HCN3: variants seen among roughly 807,000 people sequenced by gnomAD.
The protein encoded by HCN3 is hyperpolarization activated cyclic nucleotide gated potassium channel 3, also known as potassium/sodium hyperpolarization-activated cyclic nucleotide-gated channel 3.
A neutral mutation model predicts 56.8 loss-of-function variants in HCN3; 36 were observed. That is an observed-to-expected ratio of 0.63 (90% confidence interval 0.49 to 0.84). The LOEUF is 0.84. HCN3 is among the 40% of genes least tolerant of loss of function. The pLI, the probability that HCN3 is intolerant of heterozygous loss-of-function variation, is 0.00. For missense variants in HCN3, 930 were observed against 1,079.3 expected, an observed-to-expected ratio of 0.86 and a Z score of 1.94; for synonymous variants, 425 against 439.7, an observed-to-expected ratio of 0.97 and a Z score of 0.42.
intron 1 of HCN3, among the ~76,000 whole-genome samples, chr1:155,280,733 C>CGGCCCTTCTGGG (rs1674004748): frequency 7.0e-6 from 1 of 143,408 alleles, no homozygotes; most frequent in Non-Finnish European, 1.5e-5. Context: ...CCACCACGCC[C>CGGCCCTTCTGGG]AGCTATTTTT....
At position 155,287,904 on chromosome 1, in the gene HCN3, C is replaced by A. The variant is rs1444524437; in HGVS notation, c.1766C>A (p.Ala589Asp). The A allele has an allele frequency of 6.2e-7, 1 of 1,613,914 alleles. No individual in the cohort carries two copies. Among genetic ancestry groups the A allele is most frequent in the South Asian group, 1.1e-5 (1 of 91,070 alleles). ...ATGGCTCGGGGTGTTCGGGGTCGGGCCCCGAGCACAGGAGCTCAGCTTAGT... is the reference window on the plus strand; with the variant it reads ...ATGGCTCGGGGTGTTCGGGGTCGGGACCCGAGCACAGGAGCTCAGCTTAGT... ...RDMARGVRGR[A>D]PSTGAQLSGK... The change falls in exon 8 of 8, where the codon GCC (alanine) becomes GAC (aspartate). Residue 589 changes from alanine (A) to aspartate (D), a missense_variant. Ala to Asp is a moderately radical substitution (Grantham distance 126). Transcript: ENST00000368358.
chr1:155,286,994 T>C (rs1394946069), intron 6 of HCN3, among the ~76,000 whole-genome samples, 179 bp from the exon 7 acceptor site: 1 of 152,116 alleles, frequency 6.6e-6, no homozygotes, highest in Non-Finnish European at 1.5e-5. Context: ...TGTGGGGGTC[T>C]GGAGAAAGAC....
chr1:155,281,126 A>C (rs1320570691), intron 1 of HCN3, among the ~76,000 whole-genome samples: 1 of 145,974 alleles, frequency 6.9e-6, no homozygotes, highest in African/African-American at 2.6e-5. Context: ...GCTGGAGTAC[A>C]GTGGCGTGAT....
rs549467329 is a variant in HCN3 at position 155,278,511 on chromosome 1, T to TG, written c.278+647dup. ...CCAGAGAAGGAACAGAGGGTGGGGG[T>TG]GGGGCCATTTCACAGTCTCCGTCAG... is the stretch of plus-strand genomic sequence containing the variant. On this transcript the variant is annotated intron_variant, in intron 1 of 7. Transcript: ENST00000368358. The TG allele has an allele frequency of 3.7e-3, 569 of 153,400 alleles. 3 individuals carry two copies. Among genetic ancestry groups the TG allele is most frequent in the South Asian group, 0.032 (157 of 4,982 alleles). The allele number at this position is 153,400 out of a possible 1,614,324, so 9.5% of individuals were successfully genotyped here.
At position 155,286,398 on chromosome 1, in the gene HCN3, G is replaced by A. The variant is rs559445057; in HGVS notation, c.1477+434G>A. 3.9e-5 allele frequency among the ~76,000 whole-genome samples: 6 copies of A among 152,308 alleles called. No homozygotes were observed. The East Asian group carries it at 1.2e-3, about 29-fold the overall frequency. On this transcript the variant is annotated intron_variant, in intron 6 of 7. Coordinates refer to ENST00000368358, the MANE Select transcript of HCN3 (RefSeq NM_020897.3). ...CTGACCTCGTGATCCGCCCGCCTCA[G>A]CCTCCCAAAGTGCTGGGATTACAGG...
Position 155,287,794 on chromosome 1 carries a change from C to T in HCN3, c.1656C>T (p.Ser552=). Residue 552 remains serine (S), a synonymous_variant, in exon 8 of 8, where the codon TCC becomes TCT. Transcript: ENST00000368358. ...DRLLRIGKKN[S]ILQRKRSEPS... Reference sequence around the variant, plus strand: ...TACAACTTCTAGGCAAGAAGAATTCCATACTGCAGCGGAAGCGCTCCGAGC... The same window carrying T: ...TACAACTTCTAGGCAAGAAGAATTCTATACTGCAGCGGAAGCGCTCCGAGC... The T allele has an allele frequency of 1.3e-6, 2 of 1,585,576 alleles. No homozygotes were observed. Among genetic ancestry groups the T allele is most frequent in the Non-Finnish European group, 1.7e-6 (2 of 1,164,038 alleles).
chr1:155,282,113 T>G lies in HCN3; in HGVS notation c.279-298T>G, dbSNP rs1320782317. On this transcript the variant is annotated intron_variant, in intron 1 of 7. Transcript: ENST00000368358. This position sits in a 1 kb window ranked among gnomAD's most constrained non-coding sequence, Gnocchi z 4.7. ...AAGGACATGTGTGTTGTTCTCAAATTTAATGCTGCTATAAACATTCCTATG... is the reference window on the plus strand; with the variant it reads ...AAGGACATGTGTGTTGTTCTCAAATGTAATGCTGCTATAAACATTCCTATG... 6.6e-6 allele frequency among the ~76,000 whole-genome samples: 1 copy of G among 152,240 alleles called. No individual in the cohort carries two copies. Among genetic ancestry groups the G allele is most frequent in the Admixed American group, 6.5e-5 (1 of 15,278 alleles).
Position 155,288,759 on chromosome 1 carries a change from A to C in HCN3, c.*296A>C. On this transcript the variant is annotated 3_prime_UTR_variant, in exon 8 of 8. Transcript: ENST00000368358. The surrounding 1 kb of genome is among the most constrained non-coding windows in gnomAD (Gnocchi z 6.5). ...CACTGCCAAGTAGAAGTGACTCAAA[A>C]CCCTCTGACAAGGATATTCCCTTGG... The C allele has an allele frequency of 2.5e-6, 1 of 405,506 alleles. No homozygotes were observed. The highest frequency in any genetic ancestry group is 4.4e-6 in the Non-Finnish European group (1 of 228,306). The allele number at this position is 405,506 out of a possible 1,614,324, so 25.1% of individuals were successfully genotyped here. A position where few individuals can be genotyped will look rare whatever the true frequency, so the allele number is the denominator to read the frequency against.
chr1:155,287,646 C>T (rs1441940621), intron 7 of HCN3, 135 bp from the exon 8 acceptor site: 1 of 1,176,286 alleles, frequency 8.5e-7, no homozygotes, highest in African/African-American at 1.6e-5. Context: ...CCCATAGCCC[C>T]ATTGCCATAC....
chr1:155,284,224 G>T lies in HCN3; in HGVS notation c.870+89G>T. On this transcript the variant is annotated intron_variant, in intron 3 of 7. Transcript: ENST00000368358. This position sits in a 1 kb window ranked among gnomAD's most constrained non-coding sequence, Gnocchi z 4.3. The stretch of plus-strand genomic sequence containing the variant: ...GGGATGGCCACAGGGAGCAGGAGGT[G>T]GGAGATGATCACAACAGAAAATAGG... 1.4e-6 allele frequency: 2 copies of T among 1,468,780 alleles called. No homozygotes were observed. The highest frequency in any genetic ancestry group is 2.3e-5 in the East Asian group (1 of 43,308). 91.0% of individuals were successfully genotyped at this position (1,468,780 alleles called of 1,614,324 possible). A position where few individuals can be genotyped will look rare whatever the true frequency, so the allele number is the denominator to read the frequency against.
In HCN3 at chr1:155,288,681, G is replaced by C. The variant is rs1445397126; in HGVS notation, c.*218G>C. The C allele has an allele frequency of 1.6e-6, 1 of 612,362 alleles. No homozygotes were observed. The highest frequency in any genetic ancestry group is 2.8e-6 in the Non-Finnish European group (1 of 361,854). The allele number at this position is 612,362 out of a possible 1,614,324, so 37.9% of individuals were successfully genotyped here. On this transcript the variant is annotated 3_prime_UTR_variant, in exon 8 of 8. Transcript: ENST00000368358. The surrounding 1 kb of genome is among the most constrained non-coding windows in gnomAD (Gnocchi z 6.5). ...CATAATCCATTCACCCGTTCATCAT[G>C]TGTACTGAGCAGCTACCATGTTCAA... is the stretch of plus-strand genomic sequence containing the variant.
Position 155,277,674 on chromosome 1 carries a change from G to A in HCN3, c.84G>A (p.Pro28=). 1 of 1,557,910 alleles carries A rather than the reference G, an allele frequency of 6.4e-7. No homozygotes were observed. The highest frequency in any genetic ancestry group is 8.7e-7 in the Non-Finnish European group (1 of 1,151,918). The part of the protein sequence containing the change: ...GLEAVPPVAP[P]PATAASGPIP... ...AGGCGGTGCCTCCCGTTGCTCCCCCGCCTGCGACCGCGGCCTCAGGTCCGA... is the reference window on the plus strand; with the variant it reads ...AGGCGGTGCCTCCCGTTGCTCCCCCACCTGCGACCGCGGCCTCAGGTCCGA... Residue 28 remains proline (P), a synonymous_variant, in exon 1 of 8, where the codon CCG becomes CCA. Transcript: ENST00000368358.
Position 155,285,577 on chromosome 1 carries a change from C to G in HCN3, c.1237-147C>G. The G allele has an allele frequency of 8.7e-7, 1 of 1,150,778 alleles. No individual in the cohort carries two copies. 71.3% of individuals were successfully genotyped at this position (1,150,778 alleles called of 1,614,324 possible). A position where few individuals can be genotyped will look rare whatever the true frequency, so the allele number is the denominator to read the frequency against. ...CATGGGAAAGATCTGAAGGCAGGAG[C>G]TTAGGGATGGTCCCAGGCCCACTGA... On this transcript the variant is annotated intron_variant, in intron 5 of 7. Transcript: ENST00000368358. The surrounding 1 kb of genome is among the most constrained non-coding windows in gnomAD (Gnocchi z 4.5).
chr1:155,282,264 C>T lies in HCN3; in HGVS notation c.279-147C>T, dbSNP rs1674085355. Reference sequence around the variant, plus strand: ...CTGAACTATTTTCCCAAATGGTGGTCCCAACTTATACTCCCAACAGCTGTA... The same window carrying T: ...CTGAACTATTTTCCCAAATGGTGGTTCCAACTTATACTCCCAACAGCTGTA... On this transcript the variant is annotated intron_variant, in intron 1 of 7. Transcript: ENST00000368358. The surrounding 1 kb of genome is among the most constrained non-coding windows in gnomAD (Gnocchi z 4.7). 4.0e-6 allele frequency: 3 copies of T among 752,250 alleles called. No homozygotes were observed. The highest frequency in any genetic ancestry group is 5.6e-5 in the Admixed American group (2 of 35,610). 46.6% of individuals were successfully genotyped at this position (752,250 alleles called of 1,614,324 possible).
In HCN3 at chr1:155,284,401, A is replaced by G; in HGVS notation, c.871-138A>G. 1.9e-6 allele frequency: 2 copies of G among 1,050,312 alleles called. No homozygotes were observed. Among genetic ancestry groups the G allele is most frequent in the Non-Finnish European group, 2.7e-6 (2 of 744,278 alleles). 65.1% of individuals were successfully genotyped at this position (1,050,312 alleles called of 1,614,324 possible). A position where few individuals can be genotyped will look rare whatever the true frequency, so the allele number is the denominator to read the frequency against. Reference sequence around the variant, plus strand: ...CCCTTTTGCCTCAGGGCCCCCCAGAACCAAACTTAAGTGCCTGCCAGGAGG... The same window carrying G: ...CCCTTTTGCCTCAGGGCCCCCCAGAGCCAAACTTAAGTGCCTGCCAGGAGG... On this transcript the variant is annotated intron_variant, in intron 3 of 7. Coordinates refer to ENST00000368358, the MANE Select transcript of HCN3 (RefSeq NM_020897.3). This position sits in a 1 kb window ranked among gnomAD's most constrained non-coding sequence, Gnocchi z 4.3.
Position 155,288,318 on chromosome 1 carries a change from GCTCTCCTGGGC to G in HCN3, c.2181_2191del (p.Ser728Ter). The G allele has an allele frequency of 7.4e-6, 12 of 1,613,466 alleles. No homozygotes were observed. The highest frequency in any genetic ancestry group is 1.0e-5 in the Non-Finnish European group (12 of 1,179,938). ...CTGCCTCAGCGGGCAACAGGCGATGGCTCTCCTGGGCGTAAGGGATCAGGAAGTGAGCGGCT... is the reference window on the plus strand; with the variant it reads ...CTGCCTCAGCGGGCAACAGGCGATGGGTAAGGGATCAGGAAGTGAGCGGCT... On this transcript the variant is annotated frameshift_variant, in exon 8 of 8. Coordinates refer to ENST00000368358, the MANE Select transcript of HCN3 (RefSeq NM_020897.3). LOFTEE classifies it high-confidence loss of function. This position sits in a 1 kb window ranked among gnomAD's most constrained non-coding sequence, Gnocchi z 6.5.
chr1:155,277,877 G>A lies in HCN3; in HGVS notation c.278+9G>A. The A allele has an allele frequency of 6.2e-7, 1 of 1,611,094 alleles. No homozygotes were observed. Among genetic ancestry groups the A allele is most frequent in the Non-Finnish European group, 8.5e-7 (1 of 1,179,298 alleles). ...CCCTACAGCGACTTCCGGTATTGGG[G>A]GCTTGGCGGGGAGGGCAGGGTACAT... On this transcript the variant is annotated intron_variant, in intron 1 of 7. Coordinates refer to ENST00000368358, the MANE Select transcript of HCN3 (RefSeq NM_020897.3).
At chr1:155,281,869 G>A (rs908903937) in intron 1 of HCN3, among the ~76,000 whole-genome samples, 1 of 152,024 alleles carries the variant, frequency 6.6e-6, no homozygotes, top group Non-Finnish European at 1.5e-5. Flanking sequence ...GGGACTTTAG[G>A]TGTGCACCAC....
intron 1 of HCN3, among the ~76,000 whole-genome samples, chr1:155,280,216 A>G (rs1387262069): frequency 1.3e-5 from 2 of 151,912 alleles, no homozygotes; most frequent in East Asian, 1.9e-4. Context: ...AAGTGCTGGG[A>G]TTACAGGTGT....
Sources: allele counts gnomAD v4.1 joint callset (sites outside exome capture counted in the v4.1 genomes callset), GRCh38; gene constraint gnomAD v4.1.1; non-coding constraint Gnocchi (gnomAD v3.1); transcripts MANE v1.5; gene names NCBI Gene and HGNC (gene_info 2026-07-23, HGNC 2026-07-21).